The following RIT2 variants were observed in gnomAD, a reference collection of about 807,000 sequenced individuals.
The protein encoded by RIT2 is GTP-binding protein Rit2.
A neutral mutation model predicts 23.7 loss-of-function variants in RIT2; 24 were observed. The observed-to-expected ratio is 1.01, with a 90% CI of 0.73 to 1.43. The LOEUF (loss-of-function observed/expected upper bound fraction) is 1.43, where lower values mean the gene tolerates loss of function less well. Ranked by LOEUF, RIT2 falls within the 40% of genes most tolerant of loss-of-function variation. RIT2 has a pLI of 0.00. For missense variants in RIT2, 236 were observed against 266.9 expected, an observed-to-expected ratio of 0.88 and a Z score of 0.81; for synonymous variants, 107 against 91.1, an observed-to-expected ratio of 1.17 and a Z score of -0.99.
chr18:42,744,856 G>C (rs1912880671), intron 4 of RIT2, among the ~76,000 whole-genome samples: 1 of 152,160 alleles, frequency 6.6e-6, no homozygotes, highest in Non-Finnish European at 1.5e-5. Context: ...TTCCAGAGCA[G>C]GTTTGACACT....
intron 4 of RIT2, among the ~76,000 whole-genome samples, chr18:42,900,628 C>G (rs1386168119): frequency 1.3e-5 from 2 of 151,794 alleles, no homozygotes; most frequent in Non-Finnish European, 2.9e-5. Context: ...TACAGGCTTC[C>G]TTAAAAAAAA....
chr18:43,037,667 T>C (rs1279023435), intron 1 of RIT2, among the ~76,000 whole-genome samples: 1 of 152,088 alleles, frequency 6.6e-6, no homozygotes, highest in Non-Finnish European at 1.5e-5. Flanking sequence ...CTTCTCTTGA[T>C]TGGATGGAGG....
intron 4 of RIT2, among the ~76,000 whole-genome samples, chr18:42,849,573 CATTG>C (rs534631918): frequency 6.6e-6 from 1 of 152,050 alleles, no homozygotes; most frequent in Non-Finnish European, 1.5e-5. Flanking sequence ...CCAATATAGT[CATTG>C]ATTATTATTA....
chr18:43,065,836 G>A (rs918828132), intron 1 of RIT2, among the ~76,000 whole-genome samples: 1 of 152,150 alleles, frequency 6.6e-6, no homozygotes, highest in Admixed American at 6.6e-5. Context: ...AAAGGTAGAA[G>A]TGGTAGGTGG....
Position 42,900,047 on chromosome 18 carries a change from CTAAT to C in RIT2, c.426+23521_426+23524del, listed in dbSNP as rs537275333. Among the ~76,000 whole-genome samples, 118 of 151,904 alleles carry C rather than the reference CTAAT, an allele frequency of 7.8e-4. 1 individual carries two copies. The highest frequency in any genetic ancestry group is 3.4e-3 in the Middle Eastern group (1 of 294). ...ATTAATGAAAATGGACCACCAGAAA[CTAAT>C]TAATTATTAACCTCCAGTAATAATA... is the stretch of plus-strand genomic sequence containing the variant. On this transcript the variant is annotated intron_variant, in intron 4 of 4. Coordinates refer to ENST00000326695, the MANE Select transcript of RIT2 (RefSeq NM_002930.4).
intron 1 of RIT2, among the ~76,000 whole-genome samples, chr18:43,048,492 A>C (rs947883534): frequency 6.6e-6 from 1 of 152,180 alleles, no homozygotes; most frequent in African/African-American, 2.4e-5. Flanking sequence ...AGAGTTATTA[A>C]GCAATTAGTT....
chr18:42,887,667 C>T (rs369781054), intron 4 of RIT2, among the ~76,000 whole-genome samples: 1 of 152,148 alleles, frequency 6.6e-6, no homozygotes, highest in East Asian at 1.9e-4. Context: ...TTGGTATTTA[C>T]TCAGATGAAT....
intron 1 of RIT2, among the ~76,000 whole-genome samples, chr18:43,105,100 C>CTGTG (rs756311809): frequency 0.19 from 26,657 of 142,810 alleles, 2,356 homozygotes; most frequent in Non-Finnish European, 0.22. Context: ...AGGCAGTGTG[C>CTGTG]TGTGTGTGTG....
intron 4 of RIT2, among the ~76,000 whole-genome samples, chr18:42,886,616 T>C (rs1188449792): frequency 1.3e-5 from 2 of 152,250 alleles, no homozygotes; most frequent in African/African-American, 4.8e-5. Flanking sequence ...GCCTTTTCTG[T>C]AATTTGACAT....
intron 4 of RIT2, among the ~76,000 whole-genome samples, chr18:42,859,453 G>A (rs1009169059): frequency 6.6e-6 from 1 of 152,112 alleles, no homozygotes; most frequent in African/African-American, 2.4e-5. Context: ...CTGGATAAAA[G>A]TCTCTTAAAA....
chr18:42,900,808 C>T (rs1377732559), intron 4 of RIT2, among the ~76,000 whole-genome samples: 3 of 151,944 alleles, frequency 2.0e-5, no homozygotes, highest in African/African-American at 7.2e-5. Flanking sequence ...TGAATTATAT[C>T]ACAGAGAACA....
intron 1 of RIT2, among the ~76,000 whole-genome samples, chr18:43,113,520 G>A (rs1331621441): frequency 3.3e-5 from 5 of 152,186 alleles, no homozygotes; most frequent in Non-Finnish European, 5.9e-5. Flanking sequence ...TGGGCCATGT[G>A]TCACATTGAA....
At chr18:43,016,139 T>C (rs1353377525) in intron 2 of RIT2, among the ~76,000 whole-genome samples, 3 of 151,920 alleles carry the variant, frequency 2.0e-5, no homozygotes, top group Non-Finnish European at 2.9e-5. Flanking sequence ...AAGCATCAAA[T>C]AGTCAAGTAA....
chr18:42,747,223 C>T (rs936984992), intron 4 of RIT2, among the ~76,000 whole-genome samples: 12 of 151,912 alleles, frequency 7.9e-5, no homozygotes, highest in South Asian at 2.1e-4. Flanking sequence ...TTTATATACA[C>T]GAATCAGTAG....
intron 2 of RIT2, among the ~76,000 whole-genome samples, chr18:42,993,092 G>A (rs914474728): frequency 4.6e-5 from 7 of 152,180 alleles, no homozygotes; most frequent in South Asian, 2.1e-4. Flanking sequence ...ACTTCCAAAC[G>A]CCTGAACCGC....
chr18:43,014,211 T>A (rs764063257), intron 2 of RIT2, among the ~76,000 whole-genome samples: 1 of 151,640 alleles, frequency 6.6e-6, no homozygotes, highest in South Asian at 2.1e-4. Context: ...GAAGTAGAGG[T>A]AGAACAAGGC....
At chr18:42,971,078 A>G (rs116253335) in intron 3 of RIT2, among the ~76,000 whole-genome samples, 54 of 152,122 alleles carry the variant, frequency 3.5e-4, no homozygotes, top group African/African-American at 1.3e-3. Flanking sequence ...CTAGGTGATG[A>G]CATTAATAAT....
At chr18:43,060,116 G>A (rs1211998400) in intron 1 of RIT2, among the ~76,000 whole-genome samples, 5 of 152,160 alleles carry the variant, frequency 3.3e-5, no homozygotes, top group Non-Finnish European at 7.4e-5. Flanking sequence ...GTATTTTATA[G>A]AGAGCAGTAG....
chr18:43,115,098 CA>C (rs1914037394), intron 1 of RIT2, among the ~76,000 whole-genome samples: 1 of 152,112 alleles, frequency 6.6e-6, no homozygotes, highest in African/African-American at 2.4e-5. Flanking sequence ...ACATTTTTCT[CA>C]TACCATGACA....
Sources: allele counts gnomAD v4.1 joint callset (sites outside exome capture counted in the v4.1 genomes callset), GRCh38; gene constraint gnomAD v4.1.1; transcripts MANE v1.5; gene names NCBI Gene and HGNC (gene_info 2026-07-23, HGNC 2026-07-21).